CFDP1: variants seen among roughly 807,000 people sequenced by gnomAD.
CFDP1 encodes the protein chromatin remodeling protein CFDP1, also known as heterochromatin-stabilizing protein CFDP1.
Under a neutral mutation model 40.1 loss-of-function variants are expected in CFDP1, and 31 were observed. The ratio of observed to expected loss-of-function variants is 0.77; its 90% CI spans 0.58 to 1.04. The LOEUF (loss-of-function observed/expected upper bound fraction) is 1.04. CFDP1 is among the 50% of genes least tolerant of loss of function. CFDP1 has a pLI of 0.00. For synonymous variants in CFDP1, 167 were observed against 120.0 expected (o/e 1.39, Z -2.56); for missense variants, 423 against 343.4 (o/e 1.23, Z -1.83).
At chr16:75,372,281 T>C (rs554687189) in intron 5 of CFDP1, 1 of 152,298 alleles carries the variant, frequency 6.6e-6, no homozygotes, top group South Asian at 2.1e-4. Flanking sequence ...GAAAAACTCA[T>C]CACATCTAGT....
chr16:75,333,984 C>T (rs2078466939), intron 5 of CFDP1, among the ~76,000 whole-genome samples: 2 of 152,072 alleles, frequency 1.3e-5, no homozygotes, highest in Non-Finnish European at 2.9e-5. Flanking sequence ...ATAAATCAAT[C>T]CTTCACATTT....
intron 5 of CFDP1, among the ~76,000 whole-genome samples, chr16:75,319,240 C>T (rs915967553): frequency 8.5e-5 from 13 of 152,080 alleles, no homozygotes; most frequent in Non-Finnish European, 5.9e-5. Flanking sequence ...GATGGGGTTT[C>T]ACCATGTTGG....
chr16:75,349,036 T>C (rs1397516178), intron 5 of CFDP1, among the ~76,000 whole-genome samples: 2 of 152,022 alleles, frequency 1.3e-5, no homozygotes, highest in African/African-American at 4.8e-5. Context: ...CTGGATAACT[T>C]TTTTTGTTCG....
chr16:75,358,843 A>C (rs1322755709), intron 5 of CFDP1, among the ~76,000 whole-genome samples: 1 of 152,056 alleles, frequency 6.6e-6, no homozygotes, highest in East Asian at 1.9e-4. Flanking sequence ...CCTTGTGAAG[A>C]CTTTTGATTG....
At chr16:75,379,335 C>CA (rs1216812498) in intron 5 of CFDP1, among the ~76,000 whole-genome samples, 204 of 100,934 alleles carry the variant, frequency 2.0e-3, no homozygotes, top group African/African-American at 5.9e-3. Flanking sequence ...CAAGACTGAC[C>CA]AAAAAAAAAA....
At chr16:75,343,024 C>T (rs893770523) in intron 5 of CFDP1, among the ~76,000 whole-genome samples, 1 of 152,034 alleles carries the variant, frequency 6.6e-6, no homozygotes, top group Non-Finnish European at 1.5e-5. Flanking sequence ...GGATGGCAGT[C>T]TCCCTGGTAA....
intron 5 of CFDP1, among the ~76,000 whole-genome samples, chr16:75,306,877 T>TCACACACACA (rs59846343): frequency 1.0e-4 from 14 of 135,566 alleles, no homozygotes; most frequent in African/African-American, 3.9e-4. Flanking sequence ...GTGCGCGTGA[T>TCACACACACA]CACACACACA....
At chr16:75,314,066 A>G (rs1317833700) in intron 5 of CFDP1, among the ~76,000 whole-genome samples, 1 of 151,618 alleles carries the variant, frequency 6.6e-6, no homozygotes, top group Non-Finnish European at 1.5e-5. Context: ...TGCATTTTTA[A>G]TAGACATGGG....
At position 75,341,422 on chromosome 16, in the gene CFDP1, C is replaced by T. The variant is rs74543341; in HGVS notation, c.651-36240G>A. Among the ~76,000 whole-genome samples the T allele has an allele frequency of 2.8e-3, 425 of 152,188 alleles. 4 individuals are homozygous for T. Among genetic ancestry groups the T allele is most frequent in the African/African-American group, 9.9e-3 (411 of 41,506 alleles). On this transcript the variant is annotated intron_variant, in intron 5 of 6. Coordinates refer to ENST00000283882, the MANE Select transcript of CFDP1 (RefSeq NM_006324.3). ...TCAGAAAGGTTTTCTTTTGTTTGTT[C>T]CTAGCATCTACCTTGGAGGAAGGAA... is the stretch of plus-strand genomic sequence containing the variant.
In CFDP1 at chr16:75,337,821, T is replaced by C. The variant is rs139617558; in HGVS notation, c.651-32639A>G. On this transcript the variant is annotated intron_variant, in intron 5 of 6. Transcript: ENST00000283882. ...CCTCCTCCAATGCTGGGGATTATAA[T>C]TGGACAAGAGATTTGGGCGGGGCAC... Among the ~76,000 whole-genome samples, 496 of 152,292 alleles carry C rather than the reference T, an allele frequency of 3.3e-3. 2 individuals are homozygous for C. The highest frequency in any genetic ancestry group is 0.011 in the African/African-American group (465 of 41,564).
At chr16:75,406,813 T>G (rs990461253) in intron 4 of CFDP1, 1 of 151,706 alleles carries the variant, frequency 6.6e-6, no homozygotes, top group Non-Finnish European at 1.5e-5. Context: ...TCACTTGAGG[T>G]CAGGAGTTTG....
Position 75,411,940 on chromosome 16 carries a change from T to A in CFDP1, c.415A>T (p.Thr139Ser), listed in dbSNP as rs2079166667. The change falls in exon 4 of 7, where the codon ACT (threonine) becomes TCT (serine). Residue 139 changes from threonine (T) to serine (S), a missense_variant. Thr to Ser is a moderately conservative substitution (Grantham distance 58). Transcript: ENST00000283882. Reference protein sequence around the residue: ...PSTQVKKGEETEETSSSKLLV... With the variant: ...PSTQVKKGEESEETSSSKLLV... ...AATTTACTTGAACTTGTCTCTTCAG[T>A]CTCCTCTCCTTTCTATAAAAAAAAC... is the stretch of plus-strand genomic sequence containing the variant. 1.2e-6 allele frequency: 2 copies of A among 1,605,498 alleles called. No homozygotes were observed. The highest frequency in any genetic ancestry group is 2.7e-5 in the African/African-American group (2 of 74,448).
intron 5 of CFDP1, among the ~76,000 whole-genome samples, chr16:75,326,775 A>G (rs774395381): frequency 6.6e-6 from 1 of 152,346 alleles, no homozygotes; most frequent in African/African-American, 2.4e-5. Context: ...AGATTTCTCA[A>G]CACTAGAAGC....
At chr16:75,397,139 C>A (rs1180623194) in intron 4 of CFDP1, among the ~76,000 whole-genome samples, 3 of 151,742 alleles carry the variant, frequency 2.0e-5, no homozygotes, top group African/African-American at 7.3e-5. Flanking sequence ...TGGTCTTGAT[C>A]TCCTGACCTT....
At chr16:75,411,674 G>A in intron 4 of CFDP1, 151 bp downstream of exon 4, 1 of 746,472 alleles carries the variant, frequency 1.3e-6, no homozygotes, top group Non-Finnish European at 2.2e-6. Flanking sequence ...ATACTCCCTG[G>A]TAATTTATAG....
intron 6 of CFDP1, among the ~76,000 whole-genome samples, chr16:75,296,191 C>G (rs755915058): frequency 1.6e-4 from 25 of 152,138 alleles, no homozygotes; most frequent in Non-Finnish European, 2.9e-4. Context: ...TCTGGGAGAT[C>G]AGGTGGAGGG....
rs145375108 is a variant in CFDP1 at position 75,394,733 on chromosome 16, G to A, written c.650+357C>T. ...GGCTGGAGTGCAGTGGCACAATCACGGCTCACTGCAGCCTCAACCTTCTGG... is the reference window on the plus strand; with the variant it reads ...GGCTGGAGTGCAGTGGCACAATCACAGCTCACTGCAGCCTCAACCTTCTGG... On this transcript the variant is annotated intron_variant, in intron 5 of 6. Transcript: ENST00000283882. 1,099 of 136,262 alleles carry A rather than the reference G, an allele frequency of 8.1e-3. 4 individuals are homozygous for A. The highest frequency in any genetic ancestry group is 0.021 in the Middle Eastern group (5 of 240). 8.4% of individuals were successfully genotyped at this position (136,262 alleles called of 1,614,324 possible).
chr16:75,349,634 G>C (rs572360297), intron 5 of CFDP1, among the ~76,000 whole-genome samples: 1 of 110,924 alleles, frequency 9.0e-6, no homozygotes, highest in Non-Finnish European at 1.8e-5. Flanking sequence ...CTGGGCGACA[G>C]AGCGAGACTC....
chr16:75,345,810 C>A (rs1169280286), intron 5 of CFDP1, among the ~76,000 whole-genome samples: 1 of 152,150 alleles, frequency 6.6e-6, no homozygotes, highest in Non-Finnish European at 1.5e-5. Context: ...ACTTTAAAAT[C>A]TTGAAAAATG....
Sources: gnomAD v4.1 joint callset for allele counts (sites outside exome capture counted in the v4.1 genomes callset) on GRCh38, gnomAD v4.1.1 for gene constraint, MANE v1.5 for transcripts, NCBI Gene and HGNC (gene_info 2026-07-23, HGNC 2026-07-21) for gene names.